THAP5: variants seen among roughly 807,000 people sequenced by gnomAD.
THAP5 encodes THAP domain-containing protein 5.
In THAP5, 26 loss-of-function variants were observed where a neutral mutation model predicts 34.0. The ratio of observed to expected loss-of-function variants is 0.77; its 90% confidence interval spans 0.56 to 1.06. The LOEUF is 1.06. THAP5 is among the 50% of genes least tolerant of loss of function. The pLI, the probability that THAP5 is intolerant of heterozygous loss-of-function variation, is 0.00. For missense variants in THAP5, 394 were observed against 452.8 expected (o/e 0.87, Z 1.18); for synonymous variants, 125 against 153.0 (o/e 0.82, Z 1.35).
intron 1 of THAP5, among the ~76,000 whole-genome samples, chr7:108,555,343 T>C (rs1266993228): frequency 1.3e-5 from 2 of 152,044 alleles, no homozygotes; most frequent in Non-Finnish European, 2.9e-5. Context: ...TTTTTTTGTA[T>C]TTTTAGTAGA....
chr7:108,555,702 CTTT>C (rs11344007), intron 1 of THAP5, among the ~76,000 whole-genome samples: 7 of 128,836 alleles, frequency 5.4e-5, no homozygotes, highest in Non-Finnish European at 1.6e-5. Context: ...GCACCTTTTT[CTTT>C]TTTTTTTTTT....
rs1790356894 is a variant in THAP5 at position 108,562,384 on chromosome 7, A to C, written c.*1807T>G. 1 of 152,176 alleles carries C rather than the reference A, an allele frequency of 6.6e-6. No homozygotes were observed. Among genetic ancestry groups the C allele is most frequent in the African/African-American group, 2.4e-5 (1 of 41,432 alleles). 9.4% of individuals were successfully genotyped at this position (152,176 alleles called of 1,614,324 possible). A position where few individuals can be genotyped will look rare whatever the true frequency, so the allele number is the denominator to read the frequency against. On this transcript the variant is annotated 3_prime_UTR_variant, in exon 3 of 3. Transcript: ENST00000415914. ...TGCAAAAATTTTAAGTTTTTCCCCC[A>C]TCGTCACCTAAGACATTTCTAATCT...
chr7:108,564,191 C>T lies in THAP5; in HGVS notation c.1188G>A (p.Ter396=), dbSNP rs748295132. 5 of 1,558,428 alleles carry T rather than the reference C, an allele frequency of 3.2e-6. No individual in the cohort carries two copies. The highest frequency in any genetic ancestry group is 2.6e-6 in the Non-Finnish European group (3 of 1,154,510). The change falls in exon 3 of 3, where the codon TAG becomes TAA. Residue 396 remains the stop codon, a stop_retained_variant. Coordinates refer to ENST00000415914, the MANE Select transcript of THAP5 (RefSeq NM_001130475.3). ...GCCATAGTTTTAAAACCTAGTTATT[C>T]TATATCATAGTGACTTCATATGTTG... is the stretch of plus-strand genomic sequence containing the variant. ...HFTTYEVTMI[*]
At chr7:108,549,238 C>T in the THAP5 span, among the ~76,000 whole-genome samples, 1 of 151,880 alleles carries the variant, frequency 6.6e-6, no homozygotes, top group Non-Finnish European at 1.5e-5. Flanking sequence ...TTTCCTGCCT[C>T]AGCCTCCTGA....
At chr7:108,553,652 C>T (rs1864367553), downstream of THAP5, among the ~76,000 whole-genome samples, 1 of 152,116 alleles carries the variant, frequency 6.6e-6, no homozygotes, top group African/African-American at 2.4e-5. Context: ...GAATAAAATC[C>T]AGGGGTGCTG....
At chr7:108,558,223 G>A (rs1486351103), downstream of THAP5, among the ~76,000 whole-genome samples, 1 of 151,684 alleles carries the variant, frequency 6.6e-6, no homozygotes, top group African/African-American at 2.4e-5. Context: ...TGCCTAAAAT[G>A]AGAATCATAT....
chr7:108,546,630 A>C, the THAP5 span, among the ~76,000 whole-genome samples: 2 of 152,136 alleles, frequency 1.3e-5, no homozygotes, highest in African/African-American at 2.4e-5. Context: ...CCATATCAAG[A>C]ATTATTGTTT....
downstream of THAP5, among the ~76,000 whole-genome samples, chr7:108,559,716 A>T (rs979585372): frequency 4.6e-5 from 7 of 152,204 alleles, no homozygotes; most frequent in African/African-American, 1.4e-4. Context: ...TTACAATCAT[A>T]GCATAAGGGG....
In THAP5 at chr7:108,564,210, T is replaced by C; in HGVS notation, c.1169A>G (p.Tyr390Cys). Residue 390 changes from tyrosine to cysteine, a missense_variant, in exon 3 of 3, where the codon TAT becomes TGT. Tyr to Cys is a radical substitution (Grantham distance 194, BLOSUM62 -2). Transcript: ENST00000415914. ...VKIIENHFTTYEVTMI is the reference protein window; with the variant it reads ...VKIIENHFTTCEVTMI ...GTTATTCTATATCATAGTGACTTCATATGTTGTAAAATGGTTTTCTATAAT... is the reference window on the plus strand; with the variant it reads ...GTTATTCTATATCATAGTGACTTCACATGTTGTAAAATGGTTTTCTATAAT... 6.3e-7 allele frequency: 1 copy of C among 1,595,608 alleles called. No individual in the cohort carries two copies. Among genetic ancestry groups the C allele is most frequent in the Non-Finnish European group, 8.5e-7 (1 of 1,173,152 alleles).
At chr7:108,558,377 G>GTGTGTATATATATATA (rs1401164750), downstream of THAP5, among the ~76,000 whole-genome samples, 183 of 62,902 alleles carry the variant, frequency 2.9e-3, 1 homozygote, top group Non-Finnish European at 3.2e-3. Context: ...ATGTGTGTGT[G>GTGTGTATATATATATA]TATGTATATA....
the THAP5 span, among the ~76,000 whole-genome samples, chr7:108,546,315 C>A: frequency 6.6e-6 from 1 of 152,226 alleles, no homozygotes; most frequent in East Asian, 1.9e-4. Flanking sequence ...GAGACTGATA[C>A]ATAAAGAGGC....
At chr7:108,559,786 G>A (rs1864413579), downstream of THAP5, among the ~76,000 whole-genome samples, 1 of 152,038 alleles carries the variant, frequency 6.6e-6, no homozygotes, top group Admixed American at 6.6e-5. Flanking sequence ...GTAGGTGGAA[G>A]AGCCCCTTAT....
chr7:108,548,607 A>G, the THAP5 span, among the ~76,000 whole-genome samples: 1 of 152,222 alleles, frequency 6.6e-6, no homozygotes, highest in Non-Finnish European at 1.5e-5. Flanking sequence ...TAATTGACTC[A>G]CAGTTCCACA....
At chr7:108,569,331 A>G in intron 1 of THAP5, 159 bp downstream of exon 1, 1 of 1,469,610 alleles carries the variant, frequency 6.8e-7, no homozygotes, top group Non-Finnish European at 9.0e-7. Flanking sequence ...TGCTAGCTAA[A>G]CTGAACTAGC....
chr7:108,559,897 C>A (rs1217801071), downstream of THAP5, among the ~76,000 whole-genome samples: 1 of 152,118 alleles, frequency 6.6e-6, no homozygotes, highest in Non-Finnish European at 1.5e-5. Flanking sequence ...TCCCTCAACA[C>A]CTGGGGATTA....
the THAP5 span, among the ~76,000 whole-genome samples, chr7:108,545,923 A>T: frequency 1.3e-5 from 2 of 151,960 alleles, no homozygotes; most frequent in Non-Finnish European, 2.9e-5. Context: ...TGACATTCTA[A>T]TTTCTATGGT....
At position 108,564,275 on chromosome 7, in the gene THAP5, C is replaced by A. The variant is rs779727669; in HGVS notation, c.1104G>T (p.Gln368His). 10 of 1,613,224 alleles carry A rather than the reference C, an allele frequency of 6.2e-6. No homozygotes were observed. Among genetic ancestry groups the A allele is most frequent in the Non-Finnish European group, 8.5e-6 (10 of 1,179,688 alleles). The change falls in exon 3 of 3, where the codon CAG (glutamine) becomes CAT (histidine). Residue 368 changes from glutamine to histidine, a missense_variant. Coordinates refer to ENST00000415914, the MANE Select transcript of THAP5 (RefSeq NM_001130475.3). Reference sequence around the variant, plus strand: ...CAGATAGCCAGTTTTCCTGCTTTAGCTGCCTTATAAGAGCTTCCAAAGACT... The same window carrying A: ...CAGATAGCCAGTTTTCCTGCTTTAGATGCCTTATAAGAGCTTCCAAAGACT... ...RLKSLEALIR[Q>H]LKQENWLSEE...
rs552668234 is a variant in THAP5, at chr7:108,566,151, T to G, written c.81-129A>C. 87 of 684,280 alleles carry G rather than the reference T, an allele frequency of 1.3e-4. 1 individual carries two copies. In the African/African-American group the frequency reaches 1.6e-3, roughly 12 times the overall value. 42.4% of individuals were successfully genotyped at this position (684,280 alleles called of 1,614,324 possible). On this transcript the variant is annotated intron_variant, in intron 1 of 2. Coordinates refer to ENST00000415914, the MANE Select transcript of THAP5 (RefSeq NM_001130475.3). ...AAGTACTACAAGAGGAAGGCAACCA[T>G]CCCTACCAAATAAGAGCATCTTCAT...
At position 108,569,497 on chromosome 7, in the gene THAP5, A is replaced by T. The variant is rs1487318719; in HGVS notation, c.73T>A (p.Phe25Ile). Residue 25 changes from phenylalanine to isoleucine, a missense_variant, in exon 1 of 3, where the codon TTT (phenylalanine) becomes ATT (isoleucine). Physicochemically the swap from Phe to Ile is conservative, Grantham distance 21 (BLOSUM62 0). Coordinates refer to ENST00000415914, the MANE Select transcript of THAP5 (RefSeq NM_001130475.3). Reference protein sequence around the residue: ...GRNNKDRKLSFYPFPLHDKER... With the variant: ...GRNNKDRKLSIYPFPLHDKER... Reference sequence around the variant, plus strand: ...GCTCCAGAAACAACTTACGGATAAAAACTCAGCTTCCGGTCTTTATTGTTT... The same window carrying T: ...GCTCCAGAAACAACTTACGGATAAATACTCAGCTTCCGGTCTTTATTGTTT... The T allele has an allele frequency of 1.3e-6, 2 of 1,551,694 alleles. No homozygotes were observed.
Sources: allele counts gnomAD v4.1 joint callset (sites outside exome capture counted in the v4.1 genomes callset), GRCh38; gene constraint gnomAD v4.1.1; transcripts MANE v1.5; gene names NCBI Gene and HGNC (gene_info 2026-07-23, HGNC 2026-07-21).